SMARCA5: variants seen among roughly 807,000 people sequenced by gnomAD.
SMARCA5 encodes SNF2 related chromatin remodeling ATPase 5, also known as SWI/SNF-related matrix-associated actin-dependent regulator of chromatin subfamily A member 5.
SMARCA5 carries 18 observed loss-of-function variants against 140.4 expected under a neutral mutation model. That is an observed-to-expected ratio of 0.13 (90% CI 0.09 to 0.19). The LOEUF is 0.19. Ranked by LOEUF, SMARCA5 falls within the 10% of genes least tolerant of loss-of-function variation. SMARCA5 has a pLI of 1.00. For synonymous variants in SMARCA5, 449 were observed against 419.6 expected, an observed-to-expected ratio of 1.07 and a Z score of -0.86; for missense variants, 606 against 1,276.8, an observed-to-expected ratio of 0.47 and a Z score of 8.01.
At chr4:143,543,763 C>G in intron 15 of SMARCA5, 90 bp from the exon 16 acceptor site, 1 of 1,511,608 alleles carries the variant, frequency 6.6e-7, no homozygotes, top group Non-Finnish European at 9.0e-7. Flanking sequence ...TAAAGAGAAG[C>G]TTTTGTGTAC....
chr4:143,551,250 C>T (rs1461456756), intron 23 of SMARCA5, among the ~76,000 whole-genome samples: 2 of 151,940 alleles, frequency 1.3e-5, no homozygotes, highest in African/African-American at 2.4e-5. Flanking sequence ...ATTTTTAAAT[C>T]GGACTGTTAG....
At chr4:143,532,240 T>C (rs1737202427) in intron 9 of SMARCA5, among the ~76,000 whole-genome samples, 1 of 152,224 alleles carries the variant, frequency 6.6e-6, no homozygotes, top group Admixed American at 6.5e-5. Context: ...TTCATGCATC[T>C]AAGCACTCTC....
At chr4:143,552,155 G>T (rs891472480) in intron 23 of SMARCA5, among the ~76,000 whole-genome samples, 1 of 151,948 alleles carries the variant, frequency 6.6e-6, no homozygotes, top group Non-Finnish European at 1.5e-5. Context: ...TATTTCACGT[G>T]TAATTACTGT....
rs1461799632 is a variant in SMARCA5, at chr4:143,550,139, T to C, written c.3093+35T>C. Reference sequence around the variant, plus strand: ...CATGAATATGTAAATATGTGGATTATGTAAATTTCCCCTTTCTAAGTATTT... The same window carrying C: ...CATGAATATGTAAATATGTGGATTACGTAAATTTCCCCTTTCTAAGTATTT... On this transcript the variant is annotated intron_variant, in intron 23 of 23. Coordinates refer to ENST00000283131, the MANE Select transcript of SMARCA5 (RefSeq NM_003601.4). 4.8e-6 allele frequency: 6 copies of C among 1,246,988 alleles called. No homozygotes were observed. The South Asian group carries it at 8.2e-5, about 17-fold the overall frequency. 77.2% of individuals were successfully genotyped at this position (1,246,988 alleles called of 1,614,324 possible).
intron 14 of SMARCA5, 49 bp downstream of exon 14, chr4:143,540,544 G>A (rs1486251157): frequency 2.6e-6 from 4 of 1,549,204 alleles, no homozygotes; most frequent in Non-Finnish European, 2.6e-6. Context: ...GACACAACCT[G>A]TTTTTGTTTG....
intron 1 of SMARCA5, among the ~76,000 whole-genome samples, chr4:143,516,430 G>A (rs1293913290): frequency 6.6e-6 from 1 of 152,054 alleles, no homozygotes. Flanking sequence ...ATGTCAAGAT[G>A]CCTGAAGCAC....
chr4:143,529,796 A>C (rs1737149072), intron 8 of SMARCA5, among the ~76,000 whole-genome samples: 1 of 152,190 alleles, frequency 6.6e-6, no homozygotes, highest in African/African-American at 2.4e-5. Flanking sequence ...GTGTTGTAAA[A>C]AGATATTTAA....
At chr4:143,519,636 A>G (rs1399127415) in intron 2 of SMARCA5, among the ~76,000 whole-genome samples, 1 of 152,040 alleles carries the variant, frequency 6.6e-6, no homozygotes, top group African/African-American at 2.4e-5. Context: ...GTTTTCTTCT[A>G]AGCAAGAAGC....
chr4:143,555,567 G>T lies in SMARCA5; in HGVS notation c.*2383G>T. ...AATCTGATCATGATACTGAATAAAT[G>T]TCTTTTTTTTTTTTTAACAACAAAG... On this transcript the variant is annotated 3_prime_UTR_variant, in exon 24 of 24. Coordinates refer to ENST00000283131, the MANE Select transcript of SMARCA5 (RefSeq NM_003601.4). 16 of 298,658 alleles carry T rather than the reference G, an allele frequency of 5.4e-5. No homozygotes were observed. The highest frequency in any genetic ancestry group is 1.7e-4 in the East Asian group (2 of 11,952). 18.5% of individuals were successfully genotyped at this position (298,658 alleles called of 1,614,324 possible). A position where few individuals can be genotyped will look rare whatever the true frequency, so the allele number is the denominator to read the frequency against.
chr4:143,545,063 C>T (rs554448203), intron 17 of SMARCA5, among the ~76,000 whole-genome samples: 10 of 151,560 alleles, frequency 6.6e-5, no homozygotes, highest in African/African-American at 2.4e-4. Context: ...CTGCCTCACC[C>T]TTCCGAGTAG....
intron 10 of SMARCA5, among the ~76,000 whole-genome samples, chr4:143,536,154 T>G (rs1737298114): frequency 6.6e-6 from 1 of 152,204 alleles, no homozygotes; most frequent in Non-Finnish European, 1.5e-5. Context: ...GCTTTATTAC[T>G]TAAAAATATT....
chr4:143,547,854 A>G (rs1737563336), intron 21 of SMARCA5, 74 bp from the exon 22 acceptor site: 2 of 880,206 alleles, frequency 2.3e-6, no homozygotes, highest in Non-Finnish European at 3.4e-6. Flanking sequence ...TTAGCTAATT[A>G]TACTAAAGCT....
chr4:143,544,001 G>A, intron 16 of SMARCA5, 29 bp downstream of exon 16: 1 of 1,471,076 alleles, frequency 6.8e-7, no homozygotes, highest in Non-Finnish European at 9.0e-7. Flanking sequence ...TGGGTTACAT[G>A]AAAGCTTTAT....
At chr4:143,518,792 T>G (rs11937805) in intron 2 of SMARCA5, among the ~76,000 whole-genome samples, 32,034 of 152,012 alleles carry the variant, frequency 0.21, 3,372 homozygotes, top group South Asian at 0.29. Context: ...TTTGCCGCTC[T>G]GTTTTTTTAA....
At chr4:143,542,662 G>T (rs892589791) in intron 14 of SMARCA5, among the ~76,000 whole-genome samples, 2 of 152,176 alleles carry the variant, frequency 1.3e-5, no homozygotes, top group African/African-American at 2.4e-5. Context: ...CTTTGTTTAG[G>T]TGTATGTGAG....
At chr4:143,538,264 A>G (rs1351029605) in intron 11 of SMARCA5, among the ~76,000 whole-genome samples, 1 of 152,186 alleles carries the variant, frequency 6.6e-6, no homozygotes, top group Non-Finnish European at 1.5e-5. Context: ...TATGCATTGA[A>G]GAGTTGTTGT....
At chr4:143,534,710 A>G (rs1737268506) in intron 9 of SMARCA5, 145 bp from the exon 10 acceptor site, 1 of 576,442 alleles carries the variant, frequency 1.7e-6, no homozygotes, top group African/African-American at 1.9e-5. Flanking sequence ...ATATGACTGT[A>G]TTTGCAGGGA....
At position 143,543,774 on chromosome 4, in the gene SMARCA5, G is replaced by A. The variant is rs1012943391; in HGVS notation, c.2053-79G>A. ...TCCTTAAAGAGAAGCTTTTGTGTAC[G>A]TGAAGTTAATTTATTTTGACTGCAG... On this transcript the variant is annotated intron_variant, in intron 15 of 23. Transcript: ENST00000283131. 1.6e-5 allele frequency: 24 copies of A among 1,522,744 alleles called. No homozygotes were observed. In the African/African-American group the frequency reaches 2.1e-4, roughly 13 times the overall value. The allele number at this position is 1,522,744 out of a possible 1,614,324, so 94.3% of individuals were successfully genotyped here. A position where few individuals can be genotyped will look rare whatever the true frequency, so the allele number is the denominator to read the frequency against.
At chr4:143,520,049 T>C (rs772137663) in intron 2 of SMARCA5, among the ~76,000 whole-genome samples, 1 of 152,180 alleles carries the variant, frequency 6.6e-6, no homozygotes, top group Non-Finnish European at 1.5e-5. Flanking sequence ...TATAATTGAT[T>C]TCTTTCAGGT....
Sources: gnomAD v4.1 joint callset for allele counts (sites outside exome capture counted in the v4.1 genomes callset) on GRCh38, gnomAD v4.1.1 for gene constraint, MANE v1.5 for transcripts, NCBI Gene and HGNC (gene_info 2026-07-23, HGNC 2026-07-21) for gene names.